RAB27B: variants seen among roughly 807,000 people sequenced by gnomAD.
RAB27B encodes the protein ras-related protein Rab-27B.
Under a neutral mutation model 24.6 loss-of-function variants are expected in RAB27B, and 15 were observed. The ratio of observed to expected loss-of-function variants is 0.61; its 90% CI spans 0.41 to 0.94. RAB27B has a LOEUF of 0.94. Ranked by LOEUF, RAB27B falls within the 40% of genes least tolerant of loss-of-function variation. The pLI, the probability that RAB27B is intolerant of heterozygous loss-of-function variation, is 0.00. For synonymous variants in RAB27B, 105 were observed against 92.5 expected (o/e 1.14, Z -0.78); for missense variants, 261 against 266.8 (o/e 0.98, Z 0.15).
At chr18:54,777,097 T>TA (rs1908741624) in intron 2 of RAB27B, among the ~76,000 whole-genome samples, 1 of 152,156 alleles carries the variant, frequency 6.6e-6, no homozygotes, top group South Asian at 2.1e-4. Flanking sequence ...AGATCACACA[T>TA]AAAAATATGG....
rs549700073 is a variant in RAB27B, at chr18:54,839,249, C to A, written c.-20+10549C>A. 1.2e-3 allele frequency among the ~76,000 whole-genome samples: 190 copies of A among 152,026 alleles called. 1 individual carries two copies. The highest frequency in any genetic ancestry group is 2.5e-3 in the Non-Finnish European group (171 of 67,978). ...GAATATAACAGGGTTCAAGTCTAGG[C>A]TATTGTGTAAGAAAATCAAAAGTTT... On this transcript the variant is annotated intron_variant, in intron 1 of 5. Transcript: ENST00000262094.
intron 2 of RAB27B, among the ~76,000 whole-genome samples, chr18:54,806,686 G>T (rs1215024131): frequency 1.3e-5 from 2 of 151,278 alleles, no homozygotes; most frequent in Non-Finnish European, 2.9e-5. Context: ...TGTTATGTTA[G>T]TTACTATCAA....
chr18:54,741,034 AT>A (rs1219746285), intron 2 of RAB27B, among the ~76,000 whole-genome samples: 1 of 152,298 alleles, frequency 6.6e-6, no homozygotes, highest in East Asian at 1.9e-4. Flanking sequence ...AAAAGCATTT[AT>A]TCCGGAAGTC....
chr18:54,847,571 CTT>C (rs1911388772), intron 1 of RAB27B, among the ~76,000 whole-genome samples: 1 of 152,196 alleles, frequency 6.6e-6, no homozygotes, highest in Admixed American at 6.5e-5. Flanking sequence ...GTCCTTGACT[CTT>C]TTAAATACCT....
intron 2 of RAB27B, among the ~76,000 whole-genome samples, chr18:54,773,369 C>T (rs1908613461): frequency 6.6e-6 from 1 of 152,080 alleles, no homozygotes. Context: ...AGTGGCTGCA[C>T]CAAGGGTAGA....
chr18:54,753,265 G>A (rs557845160), intron 2 of RAB27B, among the ~76,000 whole-genome samples: 6 of 152,280 alleles, frequency 3.9e-5, no homozygotes, highest in Admixed American at 6.5e-5. Context: ...ATGTGGCAAT[G>A]CCCCTACAAA....
At chr18:54,863,032 T>C (rs1399674227) in intron 1 of RAB27B, among the ~76,000 whole-genome samples, 1 of 152,178 alleles carries the variant, frequency 6.6e-6, no homozygotes, top group Non-Finnish European at 1.5e-5. Context: ...GGCAACCAGA[T>C]TTTGAGGAGG....
chr18:54,791,031 AT>A (rs1464976047), intron 2 of RAB27B, among the ~76,000 whole-genome samples: 17 of 152,330 alleles, frequency 1.1e-4, no homozygotes, highest in African/African-American at 4.1e-4. Context: ...TAAAAGTAGA[AT>A]TTTGAAAACA....
rs140051980 is a variant in RAB27B, at chr18:54,759,644, C to A, written c.-20+41503C>A. On this transcript the variant is annotated intron_variant, in intron 2 of 4. Coordinates refer to the RAB27B transcript ENST00000586570. The stretch of plus-strand genomic sequence containing the variant: ...AAGTGAGAATGTGCATTCCTGTTTT[C>A]CCATTCAAATGCGCTGTTTGGCCCA... 5.3e-4 allele frequency among the ~76,000 whole-genome samples: 80 copies of A among 152,314 alleles called. 2 individuals are homozygous for A. Among genetic ancestry groups the A allele is most frequent in the Middle Eastern group, 3.4e-3 (1 of 294 alleles).
intron 2 of RAB27B, among the ~76,000 whole-genome samples, chr18:54,739,763 A>G (rs569683200): frequency 1.2e-4 from 18 of 152,160 alleles, no homozygotes; most frequent in African/African-American, 4.3e-4. Context: ...GTTTCTCCAC[A>G]TTCCCATCAG....
chr18:54,761,232 A>T (rs570126849), intron 2 of RAB27B, among the ~76,000 whole-genome samples: 1 of 152,236 alleles, frequency 6.6e-6, no homozygotes, highest in South Asian at 2.1e-4. Flanking sequence ...ACTCTTTAAG[A>T]TGTAAGTCTT....
At chr18:54,849,423 A>G (rs577588953) in intron 1 of RAB27B, among the ~76,000 whole-genome samples, 1 of 152,310 alleles carries the variant, frequency 6.6e-6, no homozygotes, top group African/African-American at 2.4e-5. Flanking sequence ...CTGCACTATA[A>G]AGAAGGTAAA....
At chr18:54,858,699 G>T (rs1258211460) in intron 1 of RAB27B, among the ~76,000 whole-genome samples, 3 of 152,110 alleles carry the variant, frequency 2.0e-5, no homozygotes, top group Non-Finnish European at 4.4e-5. Context: ...CTTGAGTTTA[G>T]CTATTAAAAA....
intron 2 of RAB27B, among the ~76,000 whole-genome samples, chr18:54,821,462 C>A (rs753687354): frequency 5.3e-5 from 8 of 152,202 alleles, no homozygotes; most frequent in Middle Eastern, 3.4e-3. Flanking sequence ...CCATACTGCC[C>A]ACAATTTGAC....
At chr18:54,821,815 A>G (rs1354733292) in intron 2 of RAB27B, among the ~76,000 whole-genome samples, 1 of 152,198 alleles carries the variant, frequency 6.6e-6, no homozygotes, top group African/African-American at 2.4e-5. Context: ...GTGCAATGAC[A>G]CGATCTCGGC....
chr18:54,752,320 T>C (rs1277192267), intron 2 of RAB27B, among the ~76,000 whole-genome samples: 3 of 152,198 alleles, frequency 2.0e-5, no homozygotes, highest in African/African-American at 7.2e-5. Context: ...GAGGAGCTTT[T>C]ATTAAAGACC....
intron 2 of RAB27B, among the ~76,000 whole-genome samples, chr18:54,767,574 C>G (rs1299879252): frequency 1.3e-5 from 2 of 152,158 alleles, no homozygotes; most frequent in Non-Finnish European, 2.9e-5. Flanking sequence ...TAGAAAATCA[C>G]TGCCCTTTTG....
At chr18:54,749,821 GGGTT>G (rs1257658042) in intron 2 of RAB27B, among the ~76,000 whole-genome samples, 5 of 152,018 alleles carry the variant, frequency 3.3e-5, no homozygotes, top group Non-Finnish European at 2.9e-5. Flanking sequence ...TTTGGGTGGG[GGGTT>G]GGTTGTTTTT....
At chr18:54,798,660 C>T (rs1598912283) in intron 2 of RAB27B, among the ~76,000 whole-genome samples, 1 of 152,190 alleles carries the variant, frequency 6.6e-6, no homozygotes, top group African/African-American at 2.4e-5. Context: ...GTAGTGGCAG[C>T]GTTTCAAAGC....
Sources: allele counts gnomAD v4.1 joint callset (sites outside exome capture counted in the v4.1 genomes callset), GRCh38; gene constraint gnomAD v4.1.1; transcripts MANE v1.5; gene names NCBI Gene and HGNC (gene_info 2026-07-23, HGNC 2026-07-21).